Variants in TEAD1 observed in about 807,000 individuals in gnomAD.
The protein encoded by TEAD1 is TEA domain transcription factor 1.
Under a neutral mutation model 54.9 loss-of-function variants are expected in TEAD1, and 9 were observed. The observed-to-expected ratio is 0.16, with a 90% CI of 0.10 to 0.29. The LOEUF (loss-of-function observed/expected upper bound fraction) is 0.29. TEAD1 is among the 10% of genes least tolerant of loss of function. The pLI is 1.00. For missense variants in TEAD1, 387 were observed against 535.9 expected, an observed-to-expected ratio of 0.72 and a Z score of 2.74; for synonymous variants, 200 against 187.8, an observed-to-expected ratio of 1.07 and a Z score of -0.53.
chr11:12,731,705 C>G (rs1459468803), intron 2 of TEAD1, among the ~76,000 whole-genome samples: 1 of 152,152 alleles, frequency 6.6e-6, no homozygotes. Context: ...TTTACCTAGA[C>G]TATAAGTCGA....
intron 3 of TEAD1, among the ~76,000 whole-genome samples, chr11:12,853,196 G>A (rs980122547): frequency 7.2e-5 from 11 of 152,086 alleles, no homozygotes; most frequent in African/African-American, 2.7e-4. Flanking sequence ...TGGTCTTAAG[G>A]GTTATTGCAG....
chr11:12,752,733 T>C (rs548659740), intron 2 of TEAD1, among the ~76,000 whole-genome samples: 21 of 152,180 alleles, frequency 1.4e-4, no homozygotes, highest in Non-Finnish European at 2.6e-4. Context: ...GTAGTGTGAC[T>C]GAACAACTGA....
chr11:12,736,387 A>T (rs1944532048), intron 2 of TEAD1, among the ~76,000 whole-genome samples: 1 of 152,174 alleles, frequency 6.6e-6, no homozygotes, highest in Non-Finnish European at 1.5e-5. Context: ...GGTAAAAATG[A>T]ATTCAATTTT....
chr11:12,718,106 A>G (rs1944103617), intron 2 of TEAD1, among the ~76,000 whole-genome samples: 1 of 152,160 alleles, frequency 6.6e-6, no homozygotes, highest in African/African-American at 2.4e-5. Context: ...CAGCTCTGGT[A>G]GTCATCATTC....
chr11:12,706,289 C>T (rs546715170), intron 2 of TEAD1, among the ~76,000 whole-genome samples: 1 of 152,290 alleles, frequency 6.6e-6, no homozygotes, highest in South Asian at 2.1e-4. Context: ...AAGAAATATT[C>T]TACATTAAAA....
chr11:12,841,271 T>G (rs868628039), intron 3 of TEAD1, among the ~76,000 whole-genome samples: 2 of 152,168 alleles, frequency 1.3e-5, no homozygotes, highest in Admixed American at 1.3e-4. Context: ...AGAGCTGTCT[T>G]TTTTCCCTCC....
intron 3 of TEAD1, among the ~76,000 whole-genome samples, chr11:12,826,140 C>T (rs1169599285): frequency 6.6e-6 from 1 of 152,210 alleles, no homozygotes; most frequent in African/African-American, 2.4e-5. Context: ...ACTGGAAGCA[C>T]AGCATGTCAA....
At chr11:12,812,148 A>G (rs1333618702) in intron 3 of TEAD1, among the ~76,000 whole-genome samples, 1 of 152,080 alleles carries the variant, frequency 6.6e-6, no homozygotes. Flanking sequence ...TATGATATAC[A>G]TGGGCTTTTG....
At chr11:12,723,001 A>G (rs946789857) in intron 2 of TEAD1, among the ~76,000 whole-genome samples, 8 of 151,540 alleles carry the variant, frequency 5.3e-5, no homozygotes, top group African/African-American at 1.7e-4. Context: ...GTTCTGTGCT[A>G]TTATAAGTAA....
At chr11:12,684,785 C>G (rs951681568) in intron 2 of TEAD1, among the ~76,000 whole-genome samples, 3 of 152,210 alleles carry the variant, frequency 2.0e-5, no homozygotes, top group African/African-American at 7.2e-5. Context: ...TAAATCTTTG[C>G]CCCTCTCCTA....
intron 3 of TEAD1, among the ~76,000 whole-genome samples, chr11:12,783,808 T>C (rs1021394569): frequency 6.6e-6 from 1 of 152,178 alleles, no homozygotes; most frequent in Admixed American, 6.5e-5. Flanking sequence ...GTGGGATGTC[T>C]AGAAGGGTGG....
intron 2 of TEAD1, among the ~76,000 whole-genome samples, chr11:12,711,240 T>G (rs1590073578): frequency 6.6e-6 from 1 of 151,582 alleles, no homozygotes; most frequent in African/African-American, 2.4e-5. Flanking sequence ...GGAAGAGAGG[T>G]GGAATGAAGA....
At chr11:12,926,629 C>A (rs1475712959) in intron 11 of TEAD1, among the ~76,000 whole-genome samples, 7 of 152,056 alleles carry the variant, frequency 4.6e-5, no homozygotes. Context: ...AATTGGGAAT[C>A]CTGAGCATTA....
chr11:12,750,261 C>G (rs1944842371), intron 2 of TEAD1, among the ~76,000 whole-genome samples: 1 of 152,078 alleles, frequency 6.6e-6, no homozygotes, highest in African/African-American at 2.4e-5. Context: ...CACAGCCTCT[C>G]TTTAGGGATG....
At chr11:12,925,540 C>G (rs1474727431) in intron 11 of TEAD1, among the ~76,000 whole-genome samples, 1 of 152,170 alleles carries the variant, frequency 6.6e-6, no homozygotes, top group Non-Finnish European at 1.5e-5. Flanking sequence ...TTCTTTCTCC[C>G]ACTTCTTTTT....
intron 2 of TEAD1, among the ~76,000 whole-genome samples, chr11:12,680,924 C>T (rs1424640547): frequency 6.6e-6 from 1 of 152,170 alleles, no homozygotes; most frequent in Non-Finnish European, 1.5e-5. Flanking sequence ...TTTAGCTTAT[C>T]AATAGCATTT....
intron 4 of TEAD1, among the ~76,000 whole-genome samples, chr11:12,863,772 A>G (rs1378271497): frequency 1.3e-5 from 2 of 152,104 alleles, no homozygotes; most frequent in African/African-American, 2.4e-5. Context: ...GGACTCTTCT[A>G]AATTTAACCA....
intron 2 of TEAD1, among the ~76,000 whole-genome samples, chr11:12,688,759 T>C (rs1231373316): frequency 6.6e-6 from 1 of 152,218 alleles, no homozygotes; most frequent in African/African-American, 2.4e-5. Context: ...CTTCTCCACA[T>C]GTGAGTTTAA....
intron 10 of TEAD1, among the ~76,000 whole-genome samples, chr11:12,903,455 GT>G (rs1948458025): frequency 6.6e-6 from 1 of 152,194 alleles, no homozygotes. Context: ...TATTAAATTA[GT>G]TTGTTTCGTT....
Sources: allele counts gnomAD v4.1 joint callset (sites outside exome capture counted in the v4.1 genomes callset), GRCh38; gene constraint gnomAD v4.1.1; transcripts MANE v1.5; gene names NCBI Gene and HGNC (gene_info 2026-07-23, HGNC 2026-07-21).